The following FAR2 variants were observed in gnomAD, a reference collection of about 807,000 sequenced individuals.
FAR2 encodes the protein fatty acyl-CoA reductase 2.
In FAR2, 19 loss-of-function variants were observed where a neutral mutation model predicts 56.0. The observed-to-expected ratio is 0.34, with a 90% CI of 0.24 to 0.50. FAR2 has a LOEUF of 0.50. Among genes scored for constraint, FAR2 ranks in the 20% least tolerant of loss-of-function variants. The pLI is 0.98. For synonymous variants in FAR2, 219 were observed against 218.8 expected, an observed-to-expected ratio of 1.00 and a Z score of -0.01; for missense variants, 508 against 642.2, an observed-to-expected ratio of 0.79 and a Z score of 2.26.
At chr12:29,173,647 A>G (rs1179678976) in intron 1 of FAR2, among the ~76,000 whole-genome samples, 1 of 152,084 alleles carries the variant, frequency 6.6e-6, no homozygotes, top group Non-Finnish European at 1.5e-5. Flanking sequence ...TGCGGGTCAA[A>G]TTGGTCCCAA....
intron 1 of FAR2, among the ~76,000 whole-genome samples, chr12:29,169,912 G>A (rs940145942): frequency 5.6e-4 from 86 of 152,314 alleles, no homozygotes; most frequent in African/African-American, 1.9e-3. Context: ...CTTGAGCTTT[G>A]AGGGGCACAG....
At chr12:29,256,804 T>A (rs1311736696) in intron 1 of FAR2, among the ~76,000 whole-genome samples, 1 of 152,072 alleles carries the variant, frequency 6.6e-6, no homozygotes, top group East Asian at 1.9e-4. Context: ...CCGAGGAGGG[T>A]GTACTGGGTC....
intron 1 of FAR2, among the ~76,000 whole-genome samples, chr12:29,252,924 T>G (rs1010743538): frequency 1.3e-5 from 2 of 152,156 alleles, no homozygotes; most frequent in African/African-American, 4.8e-5. Context: ...ACATTTAAAT[T>G]GGTGAACTTT....
chr12:29,268,028 G>A (rs1948547204), intron 1 of FAR2, among the ~76,000 whole-genome samples: 1 of 152,156 alleles, frequency 6.6e-6, no homozygotes, highest in Non-Finnish European at 1.5e-5. Flanking sequence ...AATTTTTTTA[G>A]TAAATAATTC....
chr12:29,324,891 A>G (rs1004468964), intron 10 of FAR2, among the ~76,000 whole-genome samples: 2 of 152,206 alleles, frequency 1.3e-5, no homozygotes, highest in African/African-American at 4.8e-5. Flanking sequence ...TCAAATTCAC[A>G]CATAACAATA....
intron 8 of FAR2, 41 bp from the exon 9 acceptor site, chr12:29,316,800 T>G (rs1949457837): frequency 6.3e-7 from 1 of 1,598,508 alleles, no homozygotes; most frequent in Non-Finnish European, 8.6e-7. Context: ...GGACTTATAT[T>G]CTCCTTTTCT....
intron 1 of FAR2, among the ~76,000 whole-genome samples, chr12:29,243,270 C>A (rs969493287): frequency 5.9e-5 from 9 of 152,148 alleles, no homozygotes; most frequent in African/African-American, 2.2e-4. Context: ...CCAGTTGTTA[C>A]AGAAATGATC....
At position 29,220,115 on chromosome 12, in the gene FAR2, G is replaced by A. The variant is rs149424761; in HGVS notation, c.-38-50297G>A. Among the ~76,000 whole-genome samples the A allele has an allele frequency of 9.9e-5, 15 of 152,242 alleles. No homozygotes were observed. The East Asian group carries it at 2.7e-3, about 27-fold the overall frequency. On this transcript the variant is annotated intron_variant, in intron 1 of 11. Coordinates refer to ENST00000536681, the MANE Select transcript of FAR2 (RefSeq NM_001271783.2). ...CACAGTACTAATTAGAAACAGAGCTGGCACTAGAACCCAGGGCTTTGCTTT... is the reference window on the plus strand; with the variant it reads ...CACAGTACTAATTAGAAACAGAGCTAGCACTAGAACCCAGGGCTTTGCTTT...
chr12:29,250,617 G>T (rs1181505239), intron 1 of FAR2, among the ~76,000 whole-genome samples: 1 of 152,112 alleles, frequency 6.6e-6, no homozygotes, highest in African/African-American at 2.4e-5. Context: ...AACAGTTTAG[G>T]TGAAAAATAG....
chr12:29,221,833 T>C (rs1440199091), intron 1 of FAR2, among the ~76,000 whole-genome samples: 1 of 152,188 alleles, frequency 6.6e-6, no homozygotes, highest in African/African-American at 2.4e-5. Flanking sequence ...CTCAGAGAAT[T>C]GCTTCAAATT....
At chr12:29,278,279 A>G (rs1158468842) in intron 2 of FAR2, among the ~76,000 whole-genome samples, 3 of 151,778 alleles carry the variant, frequency 2.0e-5, no homozygotes, top group Non-Finnish European at 2.9e-5. Context: ...ATTTAATAAG[A>G]TATATTTATA....
At chr12:29,202,093 G>C (rs1947423658) in intron 1 of FAR2, among the ~76,000 whole-genome samples, 1 of 151,862 alleles carries the variant, frequency 6.6e-6, no homozygotes, top group Non-Finnish European at 1.5e-5. Flanking sequence ...CATCTTCAGT[G>C]CTCTAAGTGC....
Position 29,316,746 on chromosome 12 carries a change from C to T in FAR2, c.956-95C>T, listed in dbSNP as rs1256160729. ...TCTTGACTCTACACAGCAAATCCTT[C>T]GTCTTTATTGTTTTGACCCATTACA... On this transcript the variant is annotated intron_variant, in intron 8 of 11. Transcript: ENST00000536681. 2.3e-5 allele frequency: 28 copies of T among 1,229,910 alleles called. 1 individual carries two copies. The highest frequency in any genetic ancestry group is 2.9e-5 in the South Asian group (2 of 67,872). 76.2% of individuals were successfully genotyped at this position (1,229,910 alleles called of 1,614,324 possible).
intron 1 of FAR2, among the ~76,000 whole-genome samples, chr12:29,188,157 T>C (rs1348867568): frequency 6.6e-6 from 1 of 152,210 alleles, no homozygotes; most frequent in Non-Finnish European, 1.5e-5. Flanking sequence ...AAACTATATT[T>C]TTCTTCTAGT....
chr12:29,331,238 G>A (rs1949728162), intron 10 of FAR2, among the ~76,000 whole-genome samples: 1 of 148,782 alleles, frequency 6.7e-6, no homozygotes, highest in Non-Finnish European at 1.5e-5. Flanking sequence ...GTCCAGGGAT[G>A]AATAGACAAA....
At chr12:29,311,176 C>G in intron 7 of FAR2, 30 bp downstream of exon 7, 1 of 1,459,550 alleles carries the variant, frequency 6.9e-7, no homozygotes, top group Non-Finnish European at 9.6e-7. Flanking sequence ...CTTTCAAAGA[C>G]TTCATGAGGG....
intron 1 of FAR2, among the ~76,000 whole-genome samples, chr12:29,166,519 G>A (rs765833186): frequency 9.9e-5 from 15 of 152,108 alleles, no homozygotes; most frequent in Non-Finnish European, 1.3e-4. Context: ...GCTGTTGCCC[G>A]TCACCTCCAG....
intron 1 of FAR2, among the ~76,000 whole-genome samples, chr12:29,162,892 A>G (rs372735179): frequency 4.6e-5 from 7 of 152,220 alleles, no homozygotes; most frequent in Non-Finnish European, 1.0e-4. Context: ...TTCAACGAGT[A>G]TTTATTCAAT....
At chr12:29,265,023 A>G (rs1948490189) in intron 1 of FAR2, among the ~76,000 whole-genome samples, 1 of 152,230 alleles carries the variant, frequency 6.6e-6, no homozygotes, top group Non-Finnish European at 1.5e-5. Context: ...AGAAATTGAC[A>G]AGAACACACA....
Sources: allele counts gnomAD v4.1 joint callset (sites outside exome capture counted in the v4.1 genomes callset), GRCh38; gene constraint gnomAD v4.1.1; transcripts MANE v1.5; gene names NCBI Gene and HGNC (gene_info 2026-07-23, HGNC 2026-07-21).